The following TAX1BP1 variants were observed in gnomAD, a reference collection of about 807,000 sequenced individuals.
TAX1BP1 encodes the protein tax1-binding protein 1.
Under a neutral mutation model 97.7 loss-of-function variants are expected in TAX1BP1, and 62 were observed. The observed-to-expected ratio is 0.63, with a 90% CI of 0.52 to 0.78. The LOEUF (loss-of-function observed/expected upper bound fraction) is 0.78, where lower values mean the gene tolerates loss of function less well. Ranked by LOEUF, TAX1BP1 falls within the 30% of genes least tolerant of loss-of-function variation. The pLI is 0.00. For synonymous variants in TAX1BP1, 340 were observed against 304.2 expected (o/e 1.12, Z -1.23); for missense variants, 867 against 916.1 (o/e 0.95, Z 0.69).
chr7:27,828,206 G>T, intron 16 of TAX1BP1, among the ~76,000 whole-genome samples: 1 of 152,160 alleles, frequency 6.6e-6, no homozygotes, highest in East Asian at 1.9e-4. Flanking sequence ...GACTGATTCT[G>T]ATGCATACAA....
intron 13 of TAX1BP1, 125 bp from the exon 14 acceptor site, chr7:27,816,224 A>G (rs544208757): frequency 6.9e-5 from 52 of 756,276 alleles, no homozygotes; most frequent in Non-Finnish European, 9.6e-5. Flanking sequence ...TGTGTTTCCA[A>G]TTGCATTCCA....
chr7:27,818,992 C>A (rs751712895), intron 15 of TAX1BP1, among the ~76,000 whole-genome samples: 2 of 152,108 alleles, frequency 1.3e-5, no homozygotes, highest in South Asian at 2.1e-4. Context: ...GTTCTAGTAA[C>A]CCCTAGGCCA....
chr7:27,791,092 C>CT (rs1408242835), intron 8 of TAX1BP1, among the ~76,000 whole-genome samples: 1 of 151,742 alleles, frequency 6.6e-6, no homozygotes, highest in Non-Finnish European at 1.5e-5. Context: ...TCTTCTAGTT[C>CT]TTTTTCTTCT....
At chr7:27,801,943 A>G (rs1341568385) in intron 13 of TAX1BP1, among the ~76,000 whole-genome samples, 4 of 152,206 alleles carry the variant, frequency 2.6e-5, no homozygotes, top group Admixed American at 2.0e-4. Context: ...GGAAGACATT[A>G]TGGAGTAACT....
At chr7:27,817,104 G>A (rs1273166309) in intron 15 of TAX1BP1, 66 bp downstream of exon 15, 1 of 1,556,526 alleles carries the variant, frequency 6.4e-7, no homozygotes, top group Non-Finnish European at 8.7e-7. Context: ...AGAGAGTTAA[G>A]GGTATGTGTG....
At chr7:27,758,396 A>AT (rs543280724) in intron 3 of TAX1BP1, 1,023 of 215,248 alleles carry the variant, frequency 4.8e-3, no homozygotes, top group Middle Eastern at 0.011. Context: ...ATTTTTGGAG[A>AT]TTTTTTTTTT....
At position 27,816,904 on chromosome 7, in the gene TAX1BP1, G is replaced by T; in HGVS notation, c.1951G>T (p.Ala651Ser). 1 of 1,613,856 alleles carries T rather than the reference G, an allele frequency of 6.2e-7. No homozygotes were observed. The highest frequency in any genetic ancestry group is 8.5e-7 in the Non-Finnish European group (1 of 1,179,950). ...SQETRDGADG[A>S]FYPDEIQRPP... ...TTTTATTACAGATGGAGCAGATGGT[G>T]CTTTTTACCCAGATGAAATACAAAG... is the stretch of plus-strand genomic sequence containing the variant. Residue 651 changes from alanine (A) to serine (S), a missense_variant, in exon 15 of 17, where the codon GCT becomes TCT. Physicochemically the swap from Ala to Ser is moderately conservative, Grantham distance 99. This residue lies in a region of TAX1BP1 where 822 missense variants were observed against 851.4 expected (regional missense o/e 0.97). Coordinates refer to ENST00000396319, the MANE Select transcript of TAX1BP1 (RefSeq NM_006024.7).
chr7:27,815,091 T>C (rs1225417721), intron 13 of TAX1BP1, among the ~76,000 whole-genome samples: 1 of 152,198 alleles, frequency 6.6e-6, no homozygotes, highest in Non-Finnish European at 1.5e-5. Context: ...CCTCATACCA[T>C]TGTGAATAAA....
rs766543130 is a variant in TAX1BP1, at chr7:27,827,754, C to T, written c.2102C>T (p.Pro701Leu). The change falls in exon 16 of 17, where the codon CCT becomes CTT. Residue 701 changes from proline to leucine, a missense_variant. Pro to Leu is a moderately conservative substitution (Grantham distance 98, BLOSUM62 -3). Coordinates refer to ENST00000396319, the MANE Select transcript of TAX1BP1 (RefSeq NM_006024.7). ...TTCCCCTAGGAAGATGAGAATGTGC[C>T]TACTGCTCCTGATCCTCCAAGTCAA... is the stretch of plus-strand genomic sequence containing the variant. Reference protein sequence around the residue: ...SEDSKEDENVPTAPDPPSQHL... With the variant: ...SEDSKEDENVLTAPDPPSQHL... The T allele has an allele frequency of 6.2e-6, 10 of 1,613,544 alleles. No individual in the cohort carries two copies. The highest frequency in any genetic ancestry group is 7.6e-6 in the Non-Finnish European group (9 of 1,179,678).
At chr7:27,764,984 TATAG>T (rs1382015456) in intron 3 of TAX1BP1, among the ~76,000 whole-genome samples, 2 of 4,000 alleles carry the variant, frequency 5.0e-4, no homozygotes, top group African/African-American at 1.1e-3. Flanking sequence ...TCTCTTATCT[TATAG>T]ATTGTCTGCC....
chr7:27,766,156 C>T, intron 4 of TAX1BP1, 135 bp downstream of exon 4: 1 of 866,420 alleles, frequency 1.2e-6, no homozygotes, highest in Non-Finnish European at 1.7e-6. Context: ...CGCAGTGGCT[C>T]ACGCCTGTAA....
At chr7:27,748,421 A>G (rs562632558) in intron 1 of TAX1BP1, 97 bp from the exon 2 acceptor site, 9 of 827,230 alleles carry the variant, frequency 1.1e-5, no homozygotes, top group Middle Eastern at 6.1e-4. Context: ...TGACATGCAA[A>G]TATTCATGAA....
At chr7:27,810,561 C>G (rs1186848052) in intron 13 of TAX1BP1, among the ~76,000 whole-genome samples, 1 of 152,138 alleles carries the variant, frequency 6.6e-6, no homozygotes, top group Non-Finnish European at 1.5e-5. Flanking sequence ...TACCAAGGAC[C>G]ATTTTTACCG....
At chr7:27,797,483 G>T (rs1211756539) in intron 12 of TAX1BP1, among the ~76,000 whole-genome samples, 1 of 151,914 alleles carries the variant, frequency 6.6e-6, no homozygotes, top group African/African-American at 2.4e-5. Context: ...TGTGCTTTGT[G>T]TGTTTTTGTG....
At chr7:27,784,664 A>G (rs992660809) in intron 5 of TAX1BP1, among the ~76,000 whole-genome samples, 1 of 152,138 alleles carries the variant, frequency 6.6e-6, no homozygotes, top group Non-Finnish European at 1.5e-5. Flanking sequence ...AAATCAACAT[A>G]CAGGGTACAT....
intron 13 of TAX1BP1, among the ~76,000 whole-genome samples, chr7:27,806,278 G>A (rs1161642041): frequency 1.3e-5 from 2 of 151,830 alleles, no homozygotes; most frequent in Non-Finnish European, 2.9e-5. Context: ...TAGAGACAGG[G>A]TTTTGCCATG....
chr7:27,752,926 A>G (rs1033545685), intron 2 of TAX1BP1, among the ~76,000 whole-genome samples: 9 of 152,240 alleles, frequency 5.9e-5, no homozygotes, highest in Non-Finnish European at 1.2e-4. Context: ...CAAAATTAAC[A>G]ACAGAGTTGC....
chr7:27,760,537 C>G (rs927866598), intron 3 of TAX1BP1, among the ~76,000 whole-genome samples: 1 of 151,266 alleles, frequency 6.6e-6, no homozygotes, highest in African/African-American at 2.4e-5. Context: ...GGACCGGAGG[C>G]GCCCGCCACC....
Position 27,766,019 on chromosome 7 carries a change from G to A in TAX1BP1, c.451G>A (p.Glu151Lys). The change falls in exon 4 of 17, where the codon GAG becomes AAG. Residue 151 changes from glutamate (E) to lysine (K), a missense_variant and splice_region_variant. Transcript: ENST00000396319. ...GGTGACCACAAAAGCAGGCCTTCTT[G>A]AGGTTGGTGTTCACAGTGAGATAGT... is the stretch of plus-strand genomic sequence containing the variant. ...LVVTTKAGLL[E>K]LKIEKTMKEK... The A allele has an allele frequency of 1.2e-6, 2 of 1,613,124 alleles. No homozygotes were observed. The highest frequency in any genetic ancestry group is 1.7e-6 in the Non-Finnish European group (2 of 1,179,572).
Sources: allele counts gnomAD v4.1 joint callset (sites outside exome capture counted in the v4.1 genomes callset), GRCh38; gene constraint gnomAD v4.1.1; regional missense constraint gnomAD v4.1.1; transcripts MANE v1.5; gene names NCBI Gene and HGNC (gene_info 2026-07-23, HGNC 2026-07-21).